The following CLEC4F variants were observed in gnomAD, a reference collection of about 807,000 sequenced individuals.
CLEC4F encodes C-type (calcium dependent, carbohydrate-recognition domain) lectin, superfamily member 13.
A neutral mutation model predicts 53.4 loss-of-function variants in CLEC4F; 45 were observed. That is an observed-to-expected ratio of 0.84 (90% CI 0.66 to 1.08). The LOEUF is 1.08. Ranked by LOEUF, CLEC4F falls within the 50% of genes least tolerant of loss-of-function variation. CLEC4F has a pLI of 0.00. For missense variants in CLEC4F, 753 were observed against 698.2 expected, an observed-to-expected ratio of 1.08 and a Z score of -0.88; for synonymous variants, 245 against 257.5, an observed-to-expected ratio of 0.95 and a Z score of 0.46.
rs140335994 is a variant in CLEC4F, at chr2:70,813,975, C to T, written c.1388-1377G>A. Among the ~76,000 whole-genome samples, 1,257 of 152,140 alleles carry T rather than the reference C, an allele frequency of 8.3e-3. 19 individuals are homozygous for T. The highest frequency in any genetic ancestry group is 0.029 in the African/African-American group (1,184 of 41,494). ...ATTACAGGCGTAAGCCACTGTGCCC[C>T]GTCTGGAGCTGAGTCTTAAGGGACT... On this transcript the variant is annotated intron_variant, in intron 4 of 6. Transcript: ENST00000272367.
upstream of CLEC4F, among the ~76,000 whole-genome samples, chr2:70,821,986 T>C (rs2902581): frequency 0.61 from 92,756 of 151,812 alleles, 28,820 homozygotes; most frequent in Middle Eastern, 0.71. Flanking sequence ...CTGGAACTCC[T>C]GGCTTCAAGT....
chr2:70,813,482 CTCTTTCTTTCTTTT>C (rs1367136440), intron 4 of CLEC4F, among the ~76,000 whole-genome samples: 1 of 150,412 alleles, frequency 6.6e-6, no homozygotes, highest in Admixed American at 6.6e-5. Context: ...AGCTGAGTCT[CTCTTTCTTTCTTTT>C]TCTTTCTTTC....
At chr2:70,813,139 G>T (rs1434338820) in intron 4 of CLEC4F, among the ~76,000 whole-genome samples, 3 of 152,190 alleles carry the variant, frequency 2.0e-5, no homozygotes, top group African/African-American at 7.2e-5. Context: ...ACAACAGCCT[G>T]CTCTTTGGCG....
At chr2:70,814,329 C>T (rs1283823971) in intron 4 of CLEC4F, among the ~76,000 whole-genome samples, 1 of 152,110 alleles carries the variant, frequency 6.6e-6, no homozygotes, top group African/African-American at 2.4e-5. Flanking sequence ...GAAGGTACTC[C>T]TAATGAGGAC....
intron 5 of CLEC4F, chr2:70,810,955 T>C: frequency 1.8e-6 from 1 of 552,760 alleles, no homozygotes; most frequent in South Asian, 1.5e-5. Flanking sequence ...TATCTGCCAA[T>C]GATGAAAATA....
upstream of CLEC4F, among the ~76,000 whole-genome samples, chr2:70,823,121 TTGTG>T (rs10538705): frequency 6.3e-3 from 944 of 150,482 alleles, 14 homozygotes; most frequent in African/African-American, 0.021. Context: ...GTGTGTGTGT[TTGTG>T]TGTGTGTGTG....
rs782412965 is a variant in CLEC4F, at chr2:70,815,992, A to G, written c.1387+2T>C. On this transcript the variant is annotated splice_donor_variant, in intron 4 of 6. Transcript: ENST00000272367. LOFTEE classifies it high-confidence loss of function. The stretch of plus-strand genomic sequence containing the variant: ...CAAACGCGACTCCCCTCTCCCACTT[A>G]CTTTGGGTTCTTTGTAGCTGTTCCT... 63 of 1,610,598 alleles carry G rather than the reference A, an allele frequency of 3.9e-5. 1 individual carries two copies. The South Asian group carries it at 4.4e-4, about 11-fold the overall frequency.
chr2:70,816,745 G>A lies in CLEC4F; in HGVS notation c.636C>T (p.Leu212=). The part of the protein sequence containing the change: ...KSSLENTSIE[L]HVLSRGLENA... ...TTTCTAAGCCTCTGCTTAGCACGTG[G>A]AGCTCAATGCTGGTGTTTTCTAAAC... Residue 212 remains leucine (L), a synonymous_variant, in exon 4 of 7, where the codon CTC becomes CTT. Transcript: ENST00000272367. 6.2e-7 allele frequency: 1 copy of A among 1,614,090 alleles called. No individual in the cohort carries two copies.
upstream of CLEC4F, among the ~76,000 whole-genome samples, chr2:70,821,003 G>A (rs1335158354): frequency 6.6e-6 from 1 of 152,214 alleles, no homozygotes; most frequent in Non-Finnish European, 1.5e-5. Context: ...AAAGGAGGAA[G>A]CGGGGTGACC....
chr2:70,814,166 G>A (rs1382964547), intron 4 of CLEC4F, among the ~76,000 whole-genome samples: 1 of 152,198 alleles, frequency 6.6e-6, no homozygotes, highest in East Asian at 1.9e-4. Context: ...ATTTGGACAG[G>A]TTCACCAGCA....
Position 70,812,680 on chromosome 2 carries a change from C to T in CLEC4F, c.1388-82G>A, listed in dbSNP as rs1574368783. The T allele has an allele frequency of 1.7e-5, 24 of 1,416,868 alleles. No individual in the cohort carries two copies. The East Asian group carries it at 5.2e-4, about 31-fold the overall frequency. 87.8% of individuals were successfully genotyped at this position (1,416,868 alleles called of 1,614,324 possible). A position where few individuals can be genotyped will look rare whatever the true frequency, so the allele number is the denominator to read the frequency against. ...AGGAACTTTTCTGACCTCTCTAGGG[C>T]CTGCCCACTGAGGTTCACAAGCCCA... On this transcript the variant is annotated intron_variant, in intron 4 of 6. Coordinates refer to ENST00000272367, the MANE Select transcript of CLEC4F (RefSeq NM_173535.3).
intron 1 of CLEC4F, 138 bp from the exon 2 acceptor site, chr2:70,820,029 A>T: frequency 1.7e-6 from 1 of 580,660 alleles, no homozygotes; most frequent in Non-Finnish European, 3.0e-6. Flanking sequence ...CATGCTTATC[A>T]TGCAGGTGGT....
In CLEC4F at chr2:70,815,979, C is replaced by A; in HGVS notation, c.1387+15G>T. 6.2e-7 allele frequency: 1 copy of A among 1,607,442 alleles called. No homozygotes were observed. Among genetic ancestry groups the A allele is most frequent in the Non-Finnish European group, 8.5e-7 (1 of 1,176,016 alleles). ...ACTGTGCCCTCCCCAAACGCGACTC[C>A]CCTCTCCCACTTACTTTGGGTTCTT... On this transcript the variant is annotated intron_variant, in intron 4 of 6. Transcript: ENST00000272367.
intron 5 of CLEC4F, 44 bp from the exon 6 acceptor site, chr2:70,809,901 G>A (rs1279521629): frequency 7.2e-7 from 1 of 1,391,532 alleles, no homozygotes; most frequent in African/African-American, 1.4e-5. Flanking sequence ...TGTGTGGGGA[G>A]CCAGTTTTCC....
At chr2:70,821,007 G>A (rs782818267), upstream of CLEC4F, among the ~76,000 whole-genome samples, 5 of 152,138 alleles carry the variant, frequency 3.3e-5, no homozygotes, top group African/African-American at 9.7e-5. Flanking sequence ...GAGGAAGCGG[G>A]GTGACCAGCC....
chr2:70,812,520 G>A lies in CLEC4F; in HGVS notation c.1466C>T (p.Ser489Phe). ...SLYYFSSVKK[S>F]WHEAEQFCVS... ...GCAGAACTGCTCAGCCTCATGCCAA[G>A]ACTTCTTGACACTAGAAAAATAATA... Residue 489 changes from serine to phenylalanine, a missense_variant, in exon 5 of 7, where the codon TCT (serine) becomes TTT (phenylalanine). Transcript: ENST00000272367. 1.9e-6 allele frequency: 3 copies of A among 1,614,204 alleles called. No individual in the cohort carries two copies. Among genetic ancestry groups the A allele is most frequent in the African/African-American group, 1.3e-5 (1 of 75,052 alleles).
chr2:70,816,595 A>G lies in CLEC4F; in HGVS notation c.786T>C (p.Asp262=). ...TCTGGGTCCTCAAGTCATTGACACTATCTAGATGGCCTCTCAAAACATAGA... is the reference window on the plus strand; with the variant it reads ...TCTGGGTCCTCAAGTCATTGACACTGTCTAGATGGCCTCTCAAAACATAGA... The part of the protein sequence containing the change: ...AEIYVLRGHL[D]SVNDLRTQNQ... Residue 262 remains aspartate (D), a synonymous_variant, in exon 4 of 7, where the codon GAT becomes GAC. Coordinates refer to ENST00000272367, the MANE Select transcript of CLEC4F (RefSeq NM_173535.3). 1.2e-6 allele frequency: 2 copies of G among 1,613,996 alleles called. No individual in the cohort carries two copies. The highest frequency in any genetic ancestry group is 8.5e-7 in the Non-Finnish European group (1 of 1,180,008).
At chr2:70,817,462 A>C (rs1345271717) in intron 3 of CLEC4F, among the ~76,000 whole-genome samples, 2 of 152,232 alleles carry the variant, frequency 1.3e-5, no homozygotes, top group Admixed American at 6.5e-5. Flanking sequence ...TGATTTTATC[A>C]TTTAGAGCTG....
intron 4 of CLEC4F, among the ~76,000 whole-genome samples, chr2:70,812,815 C>G (rs1210199501): frequency 6.6e-6 from 1 of 152,192 alleles, no homozygotes; most frequent in Non-Finnish European, 1.5e-5. Context: ...CTTGGGCACT[C>G]CTGGGAGGCT....
Sources: allele counts gnomAD v4.1 joint callset (sites outside exome capture counted in the v4.1 genomes callset), GRCh38; gene constraint gnomAD v4.1.1; transcripts MANE v1.5; gene names NCBI Gene and HGNC (gene_info 2026-07-23, HGNC 2026-07-21).